SPTLC2: variants seen among roughly 807,000 people sequenced by gnomAD.
SPTLC2 encodes the protein serine palmitoyltransferase 2.
SPTLC2 carries 21 observed loss-of-function variants against 62.0 expected under a neutral mutation model. That is an observed-to-expected ratio of 0.34 (90% CI 0.24 to 0.49). The LOEUF is 0.49. Among genes scored for constraint, SPTLC2 ranks in the 20% least tolerant of loss-of-function variants. The probability of loss-of-function intolerance (pLI) is 0.99; values close to 1 mark genes in which losing one functional copy is unlikely to be tolerated. For missense variants in SPTLC2, 511 were observed against 713.0 expected (o/e 0.72, Z 3.23); for synonymous variants, 261 against 261.8 (o/e 1.00, Z 0.03).
At chr14:77,531,468 C>T (rs2079439196) in intron 9 of SPTLC2, among the ~76,000 whole-genome samples, 1 of 111,952 alleles carries the variant, frequency 8.9e-6, no homozygotes, top group African/African-American at 4.0e-5. Context: ...CCTCCTCCTC[C>T]TCCTCCCCCT....
chr14:77,533,205 C>G (rs1033080482), intron 9 of SPTLC2, among the ~76,000 whole-genome samples: 2 of 148,358 alleles, frequency 1.3e-5, no homozygotes, highest in Non-Finnish European at 3.0e-5. Context: ...GAGGCTGAGT[C>G]AGAAGAATTG....
intron 4 of SPTLC2, among the ~76,000 whole-genome samples, chr14:77,572,136 C>T (rs2079687504): frequency 6.6e-6 from 1 of 152,214 alleles, no homozygotes; most frequent in South Asian, 2.1e-4. Flanking sequence ...TGTATCCTTA[C>T]TATATGTCGC....
chr14:77,581,876 T>G (rs1030060602), intron 2 of SPTLC2, among the ~76,000 whole-genome samples: 10 of 152,172 alleles, frequency 6.6e-5, no homozygotes, highest in Admixed American at 1.3e-4. Context: ...AATAGAGATA[T>G]CCAATTCTAA....
intron 9 of SPTLC2, among the ~76,000 whole-genome samples, chr14:77,533,486 A>C (rs762508416): frequency 1.3e-5 from 2 of 152,182 alleles, no homozygotes; most frequent in Non-Finnish European, 2.9e-5. Flanking sequence ...CACCTTTACC[A>C]AATTAGAATG....
At chr14:77,596,669 GC>G (rs2079849504) in intron 2 of SPTLC2, among the ~76,000 whole-genome samples, 1 of 152,196 alleles carries the variant, frequency 6.6e-6, no homozygotes, top group Non-Finnish European at 1.5e-5. Context: ...GAATCGGTTG[GC>G]CACATTCTGT....
chr14:77,585,388 A>G (rs926561995), intron 2 of SPTLC2, among the ~76,000 whole-genome samples: 5 of 152,236 alleles, frequency 3.3e-5, no homozygotes, highest in African/African-American at 1.2e-4. Flanking sequence ...AACTAACACT[A>G]TTAGTGGTAG....
intron 9 of SPTLC2, among the ~76,000 whole-genome samples, chr14:77,532,728 G>C (rs1035078013): frequency 6.6e-6 from 1 of 151,946 alleles, no homozygotes; most frequent in East Asian, 1.9e-4. Context: ...AGCTTGCAGT[G>C]AGCCGAGATA....
intron 9 of SPTLC2, among the ~76,000 whole-genome samples, chr14:77,551,694 T>C (rs1354055883): frequency 6.6e-6 from 1 of 152,204 alleles, no homozygotes; most frequent in Non-Finnish European, 1.5e-5. Context: ...AAGTAGAAAC[T>C]CTTTAAAAAG....
At chr14:77,592,430 C>T (rs969024520) in intron 2 of SPTLC2, among the ~76,000 whole-genome samples, 8 of 152,056 alleles carry the variant, frequency 5.3e-5, no homozygotes, top group Non-Finnish European at 8.8e-5. Flanking sequence ...CCATCGCACC[C>T]GGCTGTACGC....
At chr14:77,567,549 T>C (rs2079652262) in intron 5 of SPTLC2, among the ~76,000 whole-genome samples, 1 of 152,246 alleles carries the variant, frequency 6.6e-6, no homozygotes, top group Non-Finnish European at 1.5e-5. Flanking sequence ...TTCTTAATAC[T>C]CCCTTATTAT....
intron 6 of SPTLC2, among the ~76,000 whole-genome samples, chr14:77,562,131 C>T (rs565943664): frequency 5.3e-5 from 8 of 152,168 alleles, no homozygotes; most frequent in Non-Finnish European, 7.4e-5. Flanking sequence ...CTATAGTCAT[C>T]GAGTAAATGT....
In SPTLC2 at chr14:77,506,132, C is replaced by T. The variant is rs1476218724; in HGVS notation, c.*6152G>A. The T allele has an allele frequency of 6.6e-6, 1 of 152,134 alleles. No homozygotes were observed. The highest frequency in any genetic ancestry group is 1.5e-5 in the Non-Finnish European group (1 of 68,032). 9.4% of individuals were successfully genotyped at this position (152,134 alleles called of 1,614,324 possible). ...ACACCTACCCCAACCCAATACTCAT[C>T]GCTTCACAGTCATCCAGTAAAGTAC... On this transcript the variant is annotated 3_prime_UTR_variant, in exon 12 of 12. Coordinates refer to ENST00000216484, the MANE Select transcript of SPTLC2 (RefSeq NM_004863.4).
intron 1 of SPTLC2, among the ~76,000 whole-genome samples, chr14:77,601,947 T>C (rs2079879977): frequency 6.6e-6 from 1 of 152,208 alleles, no homozygotes; most frequent in Non-Finnish European, 1.5e-5. Flanking sequence ...ATTGCAGGGA[T>C]GCCTCTCTGA....
intron 3 of SPTLC2, among the ~76,000 whole-genome samples, chr14:77,577,678 T>A (rs1009146134): frequency 1.3e-5 from 2 of 152,090 alleles, no homozygotes; most frequent in Non-Finnish European, 2.9e-5. Flanking sequence ...GGTGGGTGGA[T>A]CACAAGGTCA....
intron 1 of SPTLC2, among the ~76,000 whole-genome samples, chr14:77,607,325 A>G (rs1344440587): frequency 6.6e-6 from 1 of 152,246 alleles, no homozygotes; most frequent in Non-Finnish European, 1.5e-5. Context: ...AGTTGGAACT[A>G]GAGTCCAATT....
intron 2 of SPTLC2, among the ~76,000 whole-genome samples, chr14:77,586,351 C>T (rs1449703999): frequency 6.6e-6 from 1 of 152,132 alleles, no homozygotes; most frequent in Non-Finnish European, 1.5e-5. Flanking sequence ...GTTGGGATTA[C>T]AGGTGTGAGC....
At chr14:77,512,432 T>A (rs767436485) in intron 11 of SPTLC2, 29 bp from the exon 12 acceptor site, 71 of 1,614,036 alleles carry the variant, frequency 4.4e-5, no homozygotes, top group Non-Finnish European at 5.9e-5. Flanking sequence ...AGTAGAGGTC[T>A]GTCAGAGCCA....
chr14:77,611,884 A>G (rs1271809346), intron 1 of SPTLC2, among the ~76,000 whole-genome samples: 1 of 152,200 alleles, frequency 6.6e-6, no homozygotes, highest in Non-Finnish European at 1.5e-5. Flanking sequence ...CACATTAAAC[A>G]TGTATTATTT....
At chr14:77,530,361 C>T (rs35487377) in intron 9 of SPTLC2, among the ~76,000 whole-genome samples, 35,084 of 151,892 alleles carry the variant, frequency 0.23, 4,817 homozygotes, top group East Asian at 0.56. Context: ...TGGAGTCTTG[C>T]TCTGTTGCCC....
Sources: gnomAD v4.1 joint callset for allele counts (sites outside exome capture counted in the v4.1 genomes callset) on GRCh38, gnomAD v4.1.1 for gene constraint, MANE v1.5 for transcripts, NCBI Gene and HGNC (gene_info 2026-07-23, HGNC 2026-07-21) for gene names.